The following SETD6 variants were observed in gnomAD, a reference collection of about 807,000 sequenced individuals.
SETD6 encodes N-lysine methyltransferase SETD6.
In SETD6, 67 loss-of-function variants were observed where a neutral mutation model predicts 52.7. The ratio of observed to expected loss-of-function variants is 1.27; its 90% CI spans 1.04 to 1.56. The LOEUF is 1.56. Ranked by LOEUF, SETD6 falls within the 40% of genes most tolerant of loss-of-function variation. SETD6 has a pLI of 0.00. For missense variants in SETD6, 712 were observed against 607.5 expected, an observed-to-expected ratio of 1.17 and a Z score of -1.81; for synonymous variants, 307 against 250.2, an observed-to-expected ratio of 1.23 and a Z score of -2.14.
chr16:58,518,045 C>T lies in SETD6; in HGVS notation c.793-6C>T, dbSNP rs751883411. On this transcript the variant is annotated splice_region_variant and splice_polypyrimidine_tract_variant and intron_variant, in intron 5 of 7. Transcript: ENST00000219315. ...GCATGGCCCCAGCTTCTCCCTTTCACCTCAGAATTGTCTTCGGATGGTAGC... is the reference window on the plus strand; with the variant it reads ...GCATGGCCCCAGCTTCTCCCTTTCATCTCAGAATTGTCTTCGGATGGTAGC... The T allele has an allele frequency of 2.5e-6, 4 of 1,614,178 alleles. No homozygotes were observed. The African/African-American group carries it at 4.0e-5, about 16-fold the overall frequency.
At position 58,516,617 on chromosome 16, in the gene SETD6, A is replaced by G. The variant is rs17852021; in HGVS notation, c.616A>G (p.Arg206Gly). Residue 206 changes from arginine (R) to glycine (G), a missense_variant, in exon 4 of 8, where the codon AGG becomes GGG. Transcript: ENST00000219315. Reference protein sequence around the residue: ...MEAHPDLFSLRVRSLELYHQL... With the variant: ...MEAHPDLFSLGVRSLELYHQL... ...AGCCCACCCCGATCTCTTCAGCCTCAGGGTTCGCTCCCTAGAACTCTACCA... is the reference window on the plus strand; with the variant it reads ...AGCCCACCCCGATCTCTTCAGCCTCGGGGTTCGCTCCCTAGAACTCTACCA... 1 of 1,614,154 alleles carries G rather than the reference A, an allele frequency of 6.2e-7. No homozygotes were observed. The highest frequency in any genetic ancestry group is 8.5e-7 in the Non-Finnish European group (1 of 1,180,016).
Position 58,520,888 on chromosome 16 carries a change from TTCAG to T in SETD6, c.*1865_*1868del, listed in dbSNP as rs1434983680. The T allele has an allele frequency of 1.1e-5, 16 of 1,488,456 alleles. No individual in the cohort carries two copies. Among genetic ancestry groups the T allele is most frequent in the Admixed American group, 8.4e-5 (5 of 59,722 alleles). The allele number at this position is 1,488,456 out of a possible 1,614,324, so 92.2% of individuals were successfully genotyped here. A position where few individuals can be genotyped will look rare whatever the true frequency, so the allele number is the denominator to read the frequency against. ...AAGTCAGGAAGAGCTGAAAGGATTC[TTCAG>T]TCAGTTTATGAACTCGGTGCAGTGA... On this transcript the variant is annotated 3_prime_UTR_variant, in exon 8 of 8. Transcript: ENST00000219315.
chr16:58,523,259 A>G lies in SETD6; in HGVS notation c.*4230A>G. Reference sequence around the variant, plus strand: ...CACTCCGTCTCAAAAAAACAAAAAAAAAACCAACCAAACGGATTTTCACTG... The same window carrying G: ...CACTCCGTCTCAAAAAAACAAAAAAGAAACCAACCAAACGGATTTTCACTG... On this transcript the variant is annotated 3_prime_UTR_variant, in exon 8 of 8. Coordinates refer to ENST00000219315, the MANE Select transcript of SETD6 (RefSeq NM_001160305.4). 1 of 1,269,232 alleles carries G rather than the reference A, an allele frequency of 7.9e-7. No homozygotes were observed. Among genetic ancestry groups the G allele is most frequent in the Non-Finnish European group, 1.1e-6 (1 of 940,768 alleles). 78.6% of individuals were successfully genotyped at this position (1,269,232 alleles called of 1,614,324 possible).
At position 58,516,349 on chromosome 16, in the gene SETD6, A is replaced by T; in HGVS notation, c.476+6A>T. ...TTGGAGCACCCGATGTTCTGGTGAG[A>T]GCCTTGGGAGGGGTTGGGGAGCGCC... On this transcript the variant is annotated splice_donor_region_variant and intron_variant, in intron 3 of 7. Transcript: ENST00000219315. 6.2e-7 allele frequency: 1 copy of T among 1,609,892 alleles called. No homozygotes were observed. The highest frequency in any genetic ancestry group is 8.5e-7 in the Non-Finnish European group (1 of 1,179,824).
intron 3 of SETD6, 28 bp downstream of exon 3, chr16:58,516,371 C>G (rs966411779): frequency 6.2e-7 from 1 of 1,603,502 alleles, no homozygotes; most frequent in Admixed American, 1.7e-5. Context: ...GGTTGGGGAG[C>G]GCCTGCACCG....
At position 58,521,083 on chromosome 16, in the gene SETD6, A is replaced by C; in HGVS notation, c.*2054A>C. ...AAATCTCTGATTAAAGAGTAGGCCT[A>C]ACAATACCTTGCATCTCATTCAGCT... On this transcript the variant is annotated 3_prime_UTR_variant, in exon 8 of 8. Coordinates refer to ENST00000219315, the MANE Select transcript of SETD6 (RefSeq NM_001160305.4). 6.2e-7 allele frequency: 1 copy of C among 1,613,758 alleles called. No homozygotes were observed.
chr16:58,515,929 G>A lies in SETD6; in HGVS notation c.166G>A (p.Ala56Thr). 4.6e-6 allele frequency: 7 copies of A among 1,515,522 alleles called. No homozygotes were observed. Among genetic ancestry groups the A allele is most frequent in the East Asian group, 2.7e-5 (1 of 37,592 alleles). 93.9% of individuals were successfully genotyped at this position (1,515,522 alleles called of 1,614,324 possible). A position where few individuals can be genotyped will look rare whatever the true frequency, so the allele number is the denominator to read the frequency against. The change falls in exon 2 of 8, where the codon GCC becomes ACC. Residue 56 changes from alanine to threonine, a missense_variant. Coordinates refer to ENST00000219315, the MANE Select transcript of SETD6 (RefSeq NM_001160305.4). ...GAGGACCCGCGGCGGGGCGCGGGCTGCCCTGACCAGCCCTCCTGCTCAGGT... is the reference window on the plus strand; with the variant it reads ...GAGGACCCGCGGCGGGGCGCGGGCTACCCTGACCAGCCCTCCTGCTCAGGT... ...GRRTRGGARA[A>T]LTSPPAQVAV... is the part of the protein sequence containing the mutation.
chr16:58,519,175 T>C lies in SETD6; in HGVS notation c.*146T>C. On this transcript the variant is annotated 3_prime_UTR_variant, in exon 8 of 8. Coordinates refer to ENST00000219315, the MANE Select transcript of SETD6 (RefSeq NM_001160305.4). The stretch of plus-strand genomic sequence containing the variant: ...AGTAGCAAAGTTGGTGTGCTAGGAT[T>C]AACTCAGGTAAGGGTGATGTGTTTT... 1 of 739,134 alleles carries C rather than the reference T, an allele frequency of 1.4e-6. No individual in the cohort carries two copies. Among genetic ancestry groups the C allele is most frequent in the Non-Finnish European group, 2.1e-6 (1 of 466,048 alleles). The allele number at this position is 739,134 out of a possible 1,614,324, so 45.8% of individuals were successfully genotyped here. A position where few individuals can be genotyped will look rare whatever the true frequency, so the allele number is the denominator to read the frequency against.
At position 58,520,145 on chromosome 16, in the gene SETD6, A is replaced by G. The variant is rs1465664028; in HGVS notation, c.*1116A>G. 1.3e-5 allele frequency: 2 copies of G among 152,268 alleles called. No homozygotes were observed. The highest frequency in any genetic ancestry group is 2.9e-5 in the Non-Finnish European group (2 of 68,022). 9.4% of individuals were successfully genotyped at this position (152,268 alleles called of 1,614,324 possible). A position where few individuals can be genotyped will look rare whatever the true frequency, so the allele number is the denominator to read the frequency against. On this transcript the variant is annotated 3_prime_UTR_variant, in exon 8 of 8. Coordinates refer to ENST00000219315, the MANE Select transcript of SETD6 (RefSeq NM_001160305.4). The stretch of plus-strand genomic sequence containing the variant: ...TTCAGCTTAGCCTGTATGGCCATTC[A>G]TTCAGTGGGGTAATGGGGGAGAACA...
rs532780748 is a variant in SETD6 at position 58,515,767 on chromosome 16, G to A, written c.28-24G>A. ...AGCGGCCTCTCTGGGGGTCGGACCT[G>A]GTCACTGCGCGCACTTATCTCAGGT... is the stretch of plus-strand genomic sequence containing the variant. On this transcript the variant is annotated intron_variant, in intron 1 of 7. Coordinates refer to ENST00000219315, the MANE Select transcript of SETD6 (RefSeq NM_001160305.4). The A allele has an allele frequency of 4.6e-5, 67 of 1,462,844 alleles. 2 individuals carry two copies. In the South Asian group the frequency reaches 9.1e-4, roughly 20 times the overall value. The allele number at this position is 1,462,844 out of a possible 1,614,324, so 90.6% of individuals were successfully genotyped here.
intron 6 of SETD6, 73 bp downstream of exon 6, chr16:58,518,304 G>A: frequency 6.2e-7 from 1 of 1,603,168 alleles, no homozygotes; most frequent in Non-Finnish European, 8.5e-7. Flanking sequence ...AAATAGCTTT[G>A]CTAAATAGCA....
Position 58,518,214 on chromosome 16 carries a change from G to C in SETD6, c.956G>C (p.Arg319Pro). ...GCTGACATTCAGATGGTGACAGTTC[G>C]TGAGGCAGCATTACAGGGTGAGTGT... ...DTADIQMVTV[R>P]EAALQGTKTE... The change falls in exon 6 of 8, where the codon CGT (arginine) becomes CCT (proline). Residue 319 changes from arginine (R) to proline (P), a missense_variant. Arg to Pro is a moderately radical substitution (Grantham distance 103). Coordinates refer to ENST00000219315, the MANE Select transcript of SETD6 (RefSeq NM_001160305.4). 1 of 1,614,210 alleles carries C rather than the reference G, an allele frequency of 6.2e-7. No individual in the cohort carries two copies. The highest frequency in any genetic ancestry group is 8.5e-7 in the Non-Finnish European group (1 of 1,180,050).
Position 58,519,243 on chromosome 16 carries a change from CTT to C in SETD6, c.*215_*216del, listed in dbSNP as rs1318786278. The C allele has an allele frequency of 1.8e-6, 1 of 544,382 alleles. No individual in the cohort carries two copies. Among genetic ancestry groups the C allele is most frequent in the Non-Finnish European group, 3.2e-6 (1 of 309,616 alleles). 33.7% of individuals were successfully genotyped at this position (544,382 alleles called of 1,614,324 possible). A position where few individuals can be genotyped will look rare whatever the true frequency, so the allele number is the denominator to read the frequency against. Reference sequence around the variant, plus strand: ...ACTTGGGAATCACTGCTAATTGTTACTTAAAGCATGTTACAGATGTTTTGTTC... The same window carrying C: ...ACTTGGGAATCACTGCTAATTGTTACAAAGCATGTTACAGATGTTTTGTTC... On this transcript the variant is annotated 3_prime_UTR_variant, in exon 8 of 8. Transcript: ENST00000219315.
chr16:58,520,907 C>A lies in SETD6; in HGVS notation c.*1878C>A. ...GGATTCTTCAGTCAGTTTATGAACTCGGTGCAGTGAGACCTCTAGACTGAC... is the reference window on the plus strand; with the variant it reads ...GGATTCTTCAGTCAGTTTATGAACTAGGTGCAGTGAGACCTCTAGACTGAC... On this transcript the variant is annotated 3_prime_UTR_variant, in exon 8 of 8. Coordinates refer to ENST00000219315, the MANE Select transcript of SETD6 (RefSeq NM_001160305.4). The A allele has an allele frequency of 6.4e-7, 1 of 1,559,206 alleles. No homozygotes were observed. The highest frequency in any genetic ancestry group is 1.1e-5 in the South Asian group (1 of 90,076).
At chr16:58,517,754 G>C (rs370034822) in intron 5 of SETD6, 12 of 421,836 alleles carry the variant, frequency 2.8e-5, no homozygotes, top group Non-Finnish European at 4.9e-5. Flanking sequence ...GGGATTACAG[G>C]TGTGAGCCAC....
Position 58,519,788 on chromosome 16 carries a change from G to GT in SETD6, c.*759_*760insT, listed in dbSNP as rs1489906202. The GT allele has an allele frequency of 6.6e-6, 1 of 151,554 alleles. No homozygotes were observed. The highest frequency in any genetic ancestry group is 1.5e-5 in the Non-Finnish European group (1 of 67,954). The allele number at this position is 151,554 out of a possible 1,614,324, so 9.4% of individuals were successfully genotyped here. On this transcript the variant is annotated 3_prime_UTR_variant, in exon 8 of 8. Coordinates refer to ENST00000219315, the MANE Select transcript of SETD6 (RefSeq NM_001160305.4). ...AAATACAATTTCCTTAAACATGCCA[G>GT]CTTAGTAGTAGGAATGACCTATCAA... is the stretch of plus-strand genomic sequence containing the variant.
At chr16:58,517,860 C>T (rs2039218112) in intron 5 of SETD6, 191 bp from the exon 6 acceptor site, 3 of 658,396 alleles carry the variant, frequency 4.6e-6, no homozygotes, top group Admixed American at 5.8e-5. Flanking sequence ...TGAAGCTGGC[C>T]TTTTAAAGTT....
chr16:58,517,752 A>G, intron 5 of SETD6: 4 of 413,454 alleles, frequency 9.7e-6, no homozygotes, highest in South Asian at 9.0e-5. Context: ...CTGGGATTAC[A>G]GGTGTGAGCC....
At position 58,522,037 on chromosome 16, in the gene SETD6, AGGCT is replaced by A. The variant is rs2039399752; in HGVS notation, c.*3011_*3014del. 6.6e-6 allele frequency among the ~76,000 whole-genome samples: 1 copy of A among 151,850 alleles called. No individual in the cohort carries two copies. Among genetic ancestry groups the A allele is most frequent in the Non-Finnish European group, 1.5e-5 (1 of 67,982 alleles). ...TAAGAATTAAGTATTCTAACACTGC[AGGCT>A]GGGCACAGTGACTCACGCCTGTAAT... On this transcript the variant is annotated 3_prime_UTR_variant, in exon 8 of 8. Coordinates refer to ENST00000219315, the MANE Select transcript of SETD6 (RefSeq NM_001160305.4).
Sources: gnomAD v4.1 joint callset for allele counts (sites outside exome capture counted in the v4.1 genomes callset) on GRCh38, gnomAD v4.1.1 for gene constraint, MANE v1.5 for transcripts, NCBI Gene and HGNC (gene_info 2026-07-23, HGNC 2026-07-21) for gene names.